Variants in AHI1 observed in about 807,000 individuals in gnomAD.
The protein encoded by AHI1 is jouberin.
In AHI1, 123 loss-of-function variants were observed where a neutral mutation model predicts 149.3. That is an observed-to-expected ratio of 0.82 (90% CI 0.71 to 0.96). The LOEUF (loss-of-function observed/expected upper bound fraction) is 0.96. Ranked by LOEUF, AHI1 falls within the 40% of genes least tolerant of loss-of-function variation. The pLI is 0.00. For missense variants in AHI1, 1,439 were observed against 1,422.7 expected (o/e 1.01, Z -0.18); for synonymous variants, 475 against 459.8 (o/e 1.03, Z -0.42).
intron 21 of AHI1, among the ~76,000 whole-genome samples, chr6:135,406,821 A>C (rs1780863104): frequency 6.6e-6 from 1 of 152,134 alleles, no homozygotes; most frequent in Admixed American, 6.5e-5. Flanking sequence ...TTATATTATA[A>C]GGTGTATTTT....
intron 26 of AHI1, among the ~76,000 whole-genome samples, chr6:135,303,190 T>C (rs911417762): frequency 1.4e-4 from 21 of 152,174 alleles, no homozygotes; most frequent in Non-Finnish European, 2.1e-4. Flanking sequence ...AAACAACTCA[T>C]AGATAGCTTT....
chr6:135,313,394 G>A (rs897183120), intron 26 of AHI1, among the ~76,000 whole-genome samples: 1 of 152,168 alleles, frequency 6.6e-6, no homozygotes, highest in Non-Finnish European at 1.5e-5. Context: ...TATCCTCCAT[G>A]AGAACATTCC....
intron 23 of AHI1, among the ~76,000 whole-genome samples, chr6:135,392,616 C>T (rs770067368): frequency 1.3e-5 from 2 of 152,156 alleles, no homozygotes; most frequent in Non-Finnish European, 2.9e-5. Flanking sequence ...ATTCTATTTA[C>T]ATGATTTGTT....
chr6:135,386,787 T>A (rs568742224), intron 23 of AHI1, among the ~76,000 whole-genome samples: 47 of 151,832 alleles, frequency 3.1e-4, no homozygotes, highest in Non-Finnish European at 7.4e-5. Context: ...CCCACCACCA[T>A]GCCTGGCTAA....
chr6:135,454,879 T>C (rs1203932571), intron 10 of AHI1, among the ~76,000 whole-genome samples: 1 of 152,212 alleles, frequency 6.6e-6, no homozygotes, highest in Non-Finnish European at 1.5e-5. Flanking sequence ...TATTGGAATA[T>C]TTGTATCATA....
rs996992751 is a variant in AHI1 at position 135,337,796 on chromosome 6, G to A, written c.3166-14472C>T. On this transcript the variant is annotated intron_variant, in intron 24 of 28. Transcript: ENST00000265602. ...AAAAAAAAAAAAAAAAGGCTGTGAA[G>A]AAATCTTGAGTACTAAAATTAAATG... 4.3e-4 allele frequency among the ~76,000 whole-genome samples: 63 copies of A among 145,674 alleles called. 1 individual carries two copies. The highest frequency in any genetic ancestry group is 1.5e-3 in the African/African-American group (59 of 39,496).
chr6:135,362,562 G>A (rs1445097574), intron 23 of AHI1, among the ~76,000 whole-genome samples: 1 of 152,146 alleles, frequency 6.6e-6, no homozygotes, highest in African/African-American at 2.4e-5. Context: ...ATTATTGCAG[G>A]AGTAAGGTGG....
In AHI1 at chr6:135,466,153, G is replaced by A; in HGVS notation, c.410C>T (p.Thr137Ile). The change falls in exon 7 of 29, where the codon ACT becomes ATT. Residue 137 changes from threonine (T) to isoleucine (I), a missense_variant. Physicochemically the swap from Thr to Ile is moderately conservative, Grantham distance 89 (BLOSUM62 -1). Transcript: ENST00000265602. Reference sequence around the variant, plus strand: ...AGTTTCCGGTTTCAGGTCTTGTGTAGTCAACTGGGGCACCGTCTTTATCAC... The same window carrying A: ...AGTTTCCGGTTTCAGGTCTTGTGTAATCAACTGGGGCACCGTCTTTATCAC... Reference protein sequence around the residue: ...KKVIKTVPQLTTQDLKPETPE... With the variant: ...KKVIKTVPQLITQDLKPETPE... 1 of 1,613,844 alleles carries A rather than the reference G, an allele frequency of 6.2e-7. No individual in the cohort carries two copies. The highest frequency in any genetic ancestry group is 8.5e-7 in the Non-Finnish European group (1 of 1,179,842).
chr6:135,304,266 T>C (rs1410325103), intron 26 of AHI1, among the ~76,000 whole-genome samples: 1 of 152,102 alleles, frequency 6.6e-6, no homozygotes, highest in Non-Finnish European at 1.5e-5. Context: ...TTGTCCAGGT[T>C]AGCCTTAAAC....
At chr6:135,448,165 A>G in intron 12 of AHI1, 125 bp downstream of exon 12, 1 of 600,916 alleles carries the variant, frequency 1.7e-6, no homozygotes. Flanking sequence ...GGCTTAATAT[A>G]TAACCCCAGA....
At chr6:135,445,629 G>A (rs1022718775) in intron 13 of AHI1, among the ~76,000 whole-genome samples, 16 of 152,110 alleles carry the variant, frequency 1.1e-4, no homozygotes, top group African/African-American at 2.9e-4. Context: ...CTTGAGTGCA[G>A]TGGCAGAATC....
intron 23 of AHI1, among the ~76,000 whole-genome samples, chr6:135,363,919 T>C (rs1407940523): frequency 1.8e-4 from 13 of 74,228 alleles, no homozygotes; most frequent in South Asian, 5.0e-4. Flanking sequence ...CCCTCCCGGA[T>C]GGGGCGGCTG....
chr6:135,375,132 C>T (rs969469706), intron 23 of AHI1, among the ~76,000 whole-genome samples: 1 of 152,052 alleles, frequency 6.6e-6, no homozygotes, highest in African/African-American at 2.4e-5. Flanking sequence ...TGGAACATCC[C>T]ATGTTGTGTG....
intron 24 of AHI1, among the ~76,000 whole-genome samples, chr6:135,340,652 T>A (rs1790166679): frequency 1.9e-5 from 1 of 53,186 alleles, no homozygotes; most frequent in Non-Finnish European, 3.3e-5. Flanking sequence ...TATATATACA[T>A]ACATACATAT....
intron 24 of AHI1, among the ~76,000 whole-genome samples, chr6:135,342,772 T>C (rs906838555): frequency 2.6e-5 from 4 of 151,882 alleles, no homozygotes; most frequent in Non-Finnish European, 3.0e-5. Context: ...TAACCTGATA[T>C]ATAGCCTATA....
chr6:135,493,958 G>A (rs566514230), intron 3 of AHI1, among the ~76,000 whole-genome samples: 35 of 152,284 alleles, frequency 2.3e-4, no homozygotes, highest in South Asian at 1.4e-3. Context: ...CAGGAAAATC[G>A]CTTGAACCTG....
At chr6:135,345,252 A>C (rs1791023124) in intron 24 of AHI1, among the ~76,000 whole-genome samples, 1 of 152,200 alleles carries the variant, frequency 6.6e-6, no homozygotes, top group Non-Finnish European at 1.5e-5. Flanking sequence ...TTGCTTTGGA[A>C]AACATTTTGA....
chr6:135,482,651 T>C (rs1224770412), intron 5 of AHI1, among the ~76,000 whole-genome samples: 1 of 152,060 alleles, frequency 6.6e-6, no homozygotes, highest in Non-Finnish European at 1.5e-5. Flanking sequence ...TATTTCTTTC[T>C]TTTACATCTT....
chr6:135,343,719 A>G (rs553288590), intron 24 of AHI1, among the ~76,000 whole-genome samples: 2 of 151,838 alleles, frequency 1.3e-5, no homozygotes, highest in Non-Finnish European at 3.0e-5. Flanking sequence ...ATAAAGTTGG[A>G]TCCTTAACTC....
Sources: allele counts gnomAD v4.1 joint callset (sites outside exome capture counted in the v4.1 genomes callset), GRCh38; gene constraint gnomAD v4.1.1; transcripts MANE v1.5; gene names NCBI Gene and HGNC (gene_info 2026-07-23, HGNC 2026-07-21).